TBC1D13: variants seen among roughly 807,000 people sequenced by gnomAD.
The protein encoded by TBC1D13 is TBC1 domain family member 13, also known as epididymis secretory sperm binding protein.
A neutral mutation model predicts 53.6 loss-of-function variants in TBC1D13; 40 were observed. The observed-to-expected ratio is 0.75, with a 90% CI of 0.58 to 0.97. The LOEUF is 0.97. Among genes scored for constraint, TBC1D13 ranks in the 50% least tolerant of loss-of-function variants. The pLI, the probability that TBC1D13 is intolerant of heterozygous loss-of-function variation, is 0.00. For synonymous variants in TBC1D13, 182 were observed against 197.7 expected, an observed-to-expected ratio of 0.92 and a Z score of 0.67; for missense variants, 377 against 499.4, an observed-to-expected ratio of 0.75 and a Z score of 2.34.
intron 7 of TBC1D13, among the ~76,000 whole-genome samples, chr9:128,798,788 C>A (rs926319680): frequency 6.6e-6 from 1 of 152,210 alleles, no homozygotes; most frequent in African/African-American, 2.4e-5. Context: ...ATGGAAAAAC[C>A]CTTTTCTGTA....
intron 7 of TBC1D13, among the ~76,000 whole-genome samples, chr9:128,802,668 A>G (rs542503821): frequency 5.9e-5 from 9 of 151,758 alleles, no homozygotes; most frequent in South Asian, 2.1e-4. Flanking sequence ...CATATGCTAG[A>G]TAGGTCCAGG....
intron 6 of TBC1D13, among the ~76,000 whole-genome samples, chr9:128,795,972 A>G (rs114894891): frequency 0.023 from 3,547 of 152,340 alleles, 129 homozygotes; most frequent in African/African-American, 0.079. Context: ...GACACTTTAA[A>G]AAAAAAGTAT....
At chr9:128,794,720 C>T (rs1181172544) in intron 6 of TBC1D13, among the ~76,000 whole-genome samples, 2 of 151,432 alleles carry the variant, frequency 1.3e-5, no homozygotes, top group African/African-American at 2.4e-5. Context: ...AGTGATCCAC[C>T]CGCTTCAGCC....
intron 1 of TBC1D13, among the ~76,000 whole-genome samples, 165 bp downstream of exon 1, chr9:128,787,541 C>T (rs1829442959): frequency 6.6e-6 from 1 of 152,068 alleles, no homozygotes; most frequent in Admixed American, 6.5e-5. Context: ...GCTGCAGGAA[C>T]GACGGAGGGG....
intron 1 of TBC1D13, among the ~76,000 whole-genome samples, chr9:128,788,004 A>G (rs565782492): frequency 2.6e-5 from 4 of 152,314 alleles, no homozygotes; most frequent in African/African-American, 9.6e-5. Flanking sequence ...GCCGGCAGGA[A>G]GTGCCCAGTA....
chr9:128,803,949 C>G lies in TBC1D13; in HGVS notation c.755-7C>G, dbSNP rs1310318433. 3 of 1,612,378 alleles carry G rather than the reference C, an allele frequency of 1.9e-6. No individual in the cohort carries two copies. The highest frequency in any genetic ancestry group is 2.5e-6 in the Non-Finnish European group (3 of 1,179,870). On this transcript the variant is annotated splice_polypyrimidine_tract_variant and splice_region_variant and intron_variant, in intron 8 of 11. Coordinates refer to ENST00000372648, the MANE Select transcript of TBC1D13 (RefSeq NM_018201.5). ...GCCACTTCTGCCCCCATCCTGCTCT[C>G]TCCCAGAGCACGCCGAGGCAGACAC...
intron 7 of TBC1D13, among the ~76,000 whole-genome samples, chr9:128,799,976 G>A (rs1348986175): frequency 2.6e-5 from 4 of 152,340 alleles, no homozygotes; most frequent in Non-Finnish European, 2.9e-5. Context: ...AGCCGAAATC[G>A]CGCCACTGCA....
At chr9:128,789,264 C>G (rs1361453530) in intron 2 of TBC1D13, among the ~76,000 whole-genome samples, 1 of 130,204 alleles carries the variant, frequency 7.7e-6, no homozygotes, top group Non-Finnish European at 1.5e-5. Flanking sequence ...TGCAGTGAGC[C>G]GAGATTGCGC....
intron 7 of TBC1D13, among the ~76,000 whole-genome samples, chr9:128,802,604 T>C (rs2132549133): frequency 6.6e-6 from 1 of 152,324 alleles, no homozygotes; most frequent in Middle Eastern, 3.4e-3. Context: ...TAGGTTTGTC[T>C]CCTTGTTTCC....
chr9:128,794,194 G>A (rs939052908), intron 6 of TBC1D13, among the ~76,000 whole-genome samples: 11 of 152,178 alleles, frequency 7.2e-5, no homozygotes, highest in Non-Finnish European at 1.5e-4. Flanking sequence ...TGTGGCCGGG[G>A]AAGAAGGCGC....
In TBC1D13 at chr9:128,787,302, G is replaced by A; in HGVS notation, c.-52G>A. On this transcript the variant is annotated 5_prime_UTR_variant, in exon 1 of 12. Coordinates refer to ENST00000372648, the MANE Select transcript of TBC1D13 (RefSeq NM_018201.5). ...GGCGGCGGCGGCGGCGGCAGCGCAG[G>A]CGGCAGAGGCGCAGGCGGCGGAGGC... is the stretch of plus-strand genomic sequence containing the variant. 1 of 1,255,688 alleles carries A rather than the reference G, an allele frequency of 8.0e-7. No individual in the cohort carries two copies. Among genetic ancestry groups the A allele is most frequent in the Non-Finnish European group, 1.0e-6 (1 of 994,500 alleles). The allele number at this position is 1,255,688 out of a possible 1,614,324, so 77.8% of individuals were successfully genotyped here.
rs66465933 is a variant in TBC1D13, at chr9:128,808,456, T to TGTGTGTGTGTGTG, written c.*577_*578insGTGTGTGTGTGTG. 21 of 164,004 alleles carry TGTGTGTGTGTGTG rather than the reference T, an allele frequency of 1.3e-4. No individual in the cohort carries two copies. The highest frequency in any genetic ancestry group is 3.5e-4 in the East Asian group (2 of 5,782). 10.2% of individuals were successfully genotyped at this position (164,004 alleles called of 1,614,324 possible). A position where few individuals can be genotyped will look rare whatever the true frequency, so the allele number is the denominator to read the frequency against. On this transcript the variant is annotated 3_prime_UTR_variant, in exon 12 of 12. Coordinates refer to ENST00000372648, the MANE Select transcript of TBC1D13 (RefSeq NM_018201.5). Reference sequence around the variant, plus strand: ...GTGTGTGTGTGTGTGTGTGTGTGTGTTAGGGAGTGAGGGTCTCTCAGGCCT... The same window carrying TGTGTGTGTGTGTG: ...GTGTGTGTGTGTGTGTGTGTGTGTGTGTGTGTGTGTGTGTAGGGAGTGAGGGTCTCTCAGGCCT...
At position 128,807,983 on chromosome 9, in the gene TBC1D13, A is replaced by G; in HGVS notation, c.*104A>G. 8.7e-7 allele frequency: 1 copy of G among 1,154,092 alleles called. No homozygotes were observed. Among genetic ancestry groups the G allele is most frequent in the Non-Finnish European group, 1.3e-6 (1 of 781,154 alleles). 71.5% of individuals were successfully genotyped at this position (1,154,092 alleles called of 1,614,324 possible). ...TAGGAACCCAGCCTGAGGGGAAGCC[A>G]CAGGATCGGCCCGAGACCCAGGCCA... On this transcript the variant is annotated 3_prime_UTR_variant, in exon 12 of 12. Coordinates refer to ENST00000372648, the MANE Select transcript of TBC1D13 (RefSeq NM_018201.5).
chr9:128,802,540 C>T (rs1180367986), intron 7 of TBC1D13, among the ~76,000 whole-genome samples: 1 of 152,130 alleles, frequency 6.6e-6, no homozygotes, highest in African/African-American at 2.4e-5. Flanking sequence ...TGACTTTTAG[C>T]ACCATAAGTT....
intron 3 of TBC1D13, 28 bp downstream of exon 3, chr9:128,790,803 C>T: frequency 1.3e-6 from 2 of 1,559,684 alleles, no homozygotes. Context: ...GGGGCTTCTG[C>T]TCTGCTGAGA....
At chr9:128,804,446 G>A (rs1440742545) in intron 9 of TBC1D13, among the ~76,000 whole-genome samples, 3 of 147,258 alleles carry the variant, frequency 2.0e-5, no homozygotes, top group African/African-American at 7.6e-5. Context: ...TCGCTCTGTC[G>A]CCCAGACTGG....
rs976824115 is a variant in TBC1D13 at position 128,805,792 on chromosome 9, G to A, written c.919-67G>A. 4.5e-6 allele frequency: 7 copies of A among 1,545,470 alleles called. No homozygotes were observed. In the African/African-American group the frequency reaches 9.5e-5, roughly 21 times the overall value. On this transcript the variant is annotated intron_variant, in intron 9 of 11. Coordinates refer to ENST00000372648, the MANE Select transcript of TBC1D13 (RefSeq NM_018201.5). Reference sequence around the variant, plus strand: ...GTTCTGAATTCACTTCTGACCCACTGCGTGGTGCTCCATGGCCGGCAGCCA... The same window carrying A: ...GTTCTGAATTCACTTCTGACCCACTACGTGGTGCTCCATGGCCGGCAGCCA...
intron 5 of TBC1D13, among the ~76,000 whole-genome samples, 184 bp downstream of exon 5, chr9:128,791,877 A>T (rs1294646452): frequency 2.0e-5 from 3 of 152,158 alleles, no homozygotes; most frequent in African/African-American, 7.2e-5. Context: ...TCAGTAAGAC[A>T]AACGATAGTT....
intron 7 of TBC1D13, among the ~76,000 whole-genome samples, chr9:128,800,248 G>A (rs374601962): frequency 1.2e-4 from 18 of 152,178 alleles, no homozygotes; most frequent in Non-Finnish European, 1.9e-4. Flanking sequence ...GCCTAGGGCC[G>A]GGCCCAGCAC....
Sources: allele counts gnomAD v4.1 joint callset (sites outside exome capture counted in the v4.1 genomes callset), GRCh38; gene constraint gnomAD v4.1.1; transcripts MANE v1.5; gene names NCBI Gene and HGNC (gene_info 2026-07-23, HGNC 2026-07-21).